Variants in LRGUK observed in about 807,000 individuals in gnomAD.
LRGUK encodes the protein leucine-rich repeat and guanylate kinase domain-containing protein.
A neutral mutation model predicts 76.0 loss-of-function variants in LRGUK; 65 were observed. That is an observed-to-expected ratio of 0.85 (90% CI 0.70 to 1.05). The LOEUF is 1.05. LRGUK is among the 50% of genes least tolerant of loss of function. LRGUK has a pLI of 0.00. For missense variants in LRGUK, 758 were observed against 732.8 expected (o/e 1.03, Z -0.40); for synonymous variants, 268 against 265.6 (o/e 1.01, Z -0.09).
At chr7:134,248,917 T>G (rs1802374520) in intron 17 of LRGUK, 34 bp from the exon 18 acceptor site, 1 of 1,399,462 alleles carries the variant, frequency 7.1e-7, no homozygotes. Flanking sequence ...CAAAATCCTT[T>G]GGTTTTTTTT....
chr7:134,232,037 T>C (rs548071818), intron 16 of LRGUK, among the ~76,000 whole-genome samples: 1 of 152,280 alleles, frequency 6.6e-6, no homozygotes, highest in Non-Finnish European at 1.5e-5. Flanking sequence ...GATTTTTCAA[T>C]ATCAGCAGAC....
In LRGUK at chr7:134,148,224, C is replaced by G; in HGVS notation, c.589-14C>G. 6.4e-7 allele frequency: 1 copy of G among 1,553,436 alleles called. No homozygotes were observed. On this transcript the variant is annotated splice_polypyrimidine_tract_variant and intron_variant, in intron 4 of 15. Transcript: ENST00000645682. ...AAATATTAATATAACATCTTGTTCT[C>G]TTTCTCTTGCCAGAAGGCGGATTTT...
At chr7:134,163,461 T>C (rs1321247766) in exon 7 of LRGUK, 2 of 1,614,042 alleles carry the variant, frequency 1.2e-6, no homozygotes, top group South Asian at 2.2e-5. Flanking sequence ...AACCTGGATC[T>C]GTCCCACAAT....
intron 15 of LRGUK, 45 bp from the exon 16 acceptor site, chr7:134,221,734 T>C (rs757847797): frequency 3.6e-6 from 5 of 1,398,728 alleles, no homozygotes; most frequent in Non-Finnish European, 3.8e-6. Flanking sequence ...TTCAGAAATT[T>C]CCTTTATGAC....
chr7:134,149,923 C>A (rs1036356782), intron 5 of LRGUK, among the ~76,000 whole-genome samples: 2 of 152,242 alleles, frequency 1.3e-5, no homozygotes, highest in East Asian at 3.9e-4. Flanking sequence ...AAATCAGAAT[C>A]TGCATTTTAA....
At chr7:134,209,171 C>T in exon 16 of LRGUK, 1 of 399,426 alleles carries the variant, frequency 2.5e-6, no homozygotes, top group Non-Finnish European at 4.4e-6. Context: ...CAGCCCTCAG[C>T]CAGGCCAGGA....
intron 7 of LRGUK, among the ~76,000 whole-genome samples, chr7:134,167,708 G>C (rs922658319): frequency 2.0e-5 from 3 of 152,150 alleles, no homozygotes; most frequent in African/African-American, 7.2e-5. Context: ...TGCAGATCCA[G>C]CGTATTTCCA....
At chr7:134,264,107 T>A in exon 20 of LRGUK, 1 of 806,246 alleles carries the variant, frequency 1.2e-6, no homozygotes, top group Non-Finnish European at 1.7e-6. Flanking sequence ...CTACCTGCCT[T>A]AATTCTATCA....
intron 4 of LRGUK, among the ~76,000 whole-genome samples, chr7:134,143,628 C>G (rs1797858511): frequency 6.6e-6 from 1 of 152,174 alleles, no homozygotes; most frequent in Non-Finnish European, 1.5e-5. Flanking sequence ...TAAAAATGTC[C>G]TAGGCTCAAA....
chr7:134,265,753 T>C (rs912105441), downstream of LRGUK, among the ~76,000 whole-genome samples: 4 of 152,128 alleles, frequency 2.6e-5, no homozygotes, highest in African/African-American at 9.7e-5. Context: ...CCAATATTAA[T>C]GAGAATGCCC....
rs758259316 is a variant in LRGUK at position 134,127,403 on chromosome 7, A to C, written c.36A>C (p.Arg12Ser). 1.2e-6 allele frequency: 2 copies of C among 1,613,400 alleles called. No individual in the cohort carries two copies. Among genetic ancestry groups the C allele is most frequent in the Admixed American group, 3.3e-5 (2 of 59,982 alleles). ...CCGAGAGGGCTCTCCTGAGGACCAGAGCTGCCTCTCTCCTGAGAGGCTTGG... is the reference window on the plus strand; with the variant it reads ...CCGAGAGGGCTCTCCTGAGGACCAGCGCTGCCTCTCTCCTGAGAGGCTTGG... The change falls in exon 1 of 16, where the codon AGA becomes AGC. Residue 12 changes from arginine to serine, a missense_variant. Coordinates refer to ENST00000645682, the Ensembl canonical transcript of LRGUK.
intron 12 of LRGUK, among the ~76,000 whole-genome samples, chr7:134,192,854 T>C (rs1337859466): frequency 2.0e-5 from 3 of 152,246 alleles, no homozygotes; most frequent in Non-Finnish European, 4.4e-5. Context: ...GGGACTCATC[T>C]GTGTTTCTGC....
exon 16 of LRGUK, chr7:134,208,886 C>G: frequency 2.5e-6 from 1 of 399,004 alleles, no homozygotes; most frequent in Non-Finnish European, 4.4e-6. Context: ...AGAGCTGGCT[C>G]AGGATGGAGA....
At chr7:134,174,158 A>G (rs984246617) in intron 7 of LRGUK, among the ~76,000 whole-genome samples, 14 of 151,332 alleles carry the variant, frequency 9.3e-5, no homozygotes, top group African/African-American at 3.4e-4. Context: ...GGGTAACAGA[A>G]GCAGGATTGG....
intron 14 of LRGUK, 116 bp downstream of exon 14, chr7:134,199,537 C>A (rs1800661559): frequency 1.2e-6 from 1 of 837,160 alleles, no homozygotes; most frequent in East Asian, 2.6e-5. Context: ...CGGTGAATCA[C>A]AAAGAGCTGC....
At chr7:134,168,149 G>A (rs554460576) in intron 7 of LRGUK, among the ~76,000 whole-genome samples, 2 of 152,214 alleles carry the variant, frequency 1.3e-5, no homozygotes, top group South Asian at 2.1e-4. Flanking sequence ...CTTGAGGCCA[G>A]GAGTTTGAGA....
At chr7:134,129,586 C>T (rs1475431308) in intron 1 of LRGUK, among the ~76,000 whole-genome samples, 1 of 150,708 alleles carries the variant, frequency 6.6e-6, no homozygotes, top group African/African-American at 2.4e-5. Context: ...AATCCTCCTG[C>T]CTCAGCCTCC....
chr7:134,170,694 A>G (rs1799204904), intron 7 of LRGUK, among the ~76,000 whole-genome samples: 2 of 152,166 alleles, frequency 1.3e-5, no homozygotes, highest in African/African-American at 2.4e-5. Context: ...CTAAAAATGT[A>G]AAAACTTAAT....
chr7:134,127,537 C>T (rs766504835), exon 1 of LRGUK: 4 of 1,614,050 alleles, frequency 2.5e-6, no homozygotes, highest in Non-Finnish European at 3.4e-6. Context: ...TCTAACATAG[C>T]CTCCTCCTAC....
Sources: allele counts gnomAD v4.1 joint callset (sites outside exome capture counted in the v4.1 genomes callset), GRCh38; gene constraint gnomAD v4.1.1; transcripts MANE v1.5; gene names NCBI Gene and HGNC (gene_info 2026-07-23, HGNC 2026-07-21).